Variants in DENND5A observed in about 807,000 individuals in gnomAD.
DENND5A encodes DENN domain-containing protein 5A.
Under a neutral mutation model 140.3 loss-of-function variants are expected in DENND5A, and 64 were observed. The observed-to-expected ratio is 0.46, with a 90% CI of 0.37 to 0.56. The LOEUF (loss-of-function observed/expected upper bound fraction) is 0.56, where lower values mean the gene tolerates loss of function less well. Among genes scored for constraint, DENND5A ranks in the 20% least tolerant of loss-of-function variants. The pLI is 0.00. For missense variants in DENND5A, 1,292 were observed against 1,593.8 expected (o/e 0.81, Z 3.22); for synonymous variants, 605 against 607.7 (o/e 1.00, Z 0.07).
At chr11:9,233,729 C>T (rs1485324842) in intron 1 of DENND5A, among the ~76,000 whole-genome samples, 1 of 152,108 alleles carries the variant, frequency 6.6e-6, no homozygotes, top group Non-Finnish European at 1.5e-5. Flanking sequence ...CAACAGTCAC[C>T]AGAAGCTCAA....
chr11:9,152,457 A>G lies in DENND5A; in HGVS notation c.2437-15T>C. ...GCTGATTTCCCCTGGAACCAATGCA[A>G]GGGAGAAACACCTATCAGTTTAGAT... On this transcript the variant is annotated splice_polypyrimidine_tract_variant and intron_variant, in intron 12 of 22. Coordinates refer to ENST00000328194, the MANE Select transcript of DENND5A (RefSeq NM_015213.4). 1 of 1,562,966 alleles carries G rather than the reference A, an allele frequency of 6.4e-7. No homozygotes were observed. The highest frequency in any genetic ancestry group is 1.1e-5 in the South Asian group (1 of 90,056).
At chr11:9,261,459 G>A (rs1378785592) in intron 1 of DENND5A, among the ~76,000 whole-genome samples, 2 of 152,096 alleles carry the variant, frequency 1.3e-5, no homozygotes, top group Non-Finnish European at 2.9e-5. Flanking sequence ...GGAAGAACCT[G>A]CTATTTGTAC....
chr11:9,173,177 A>T (rs1055600350), intron 8 of DENND5A, among the ~76,000 whole-genome samples: 1 of 152,104 alleles, frequency 6.6e-6, no homozygotes, highest in African/African-American at 2.4e-5. Context: ...ACCTATACTC[A>T]GGGAAAATAC....
chr11:9,215,144 T>C (rs1850039613), intron 1 of DENND5A, among the ~76,000 whole-genome samples: 1 of 152,224 alleles, frequency 6.6e-6, no homozygotes, highest in African/African-American at 2.4e-5. Context: ...GCAGATTTGT[T>C]CACTCTCTTT....
intron 1 of DENND5A, among the ~76,000 whole-genome samples, chr11:9,255,592 G>C (rs1409136364): frequency 6.6e-6 from 1 of 151,984 alleles, no homozygotes; most frequent in Non-Finnish European, 1.5e-5. Context: ...ATTGACTGGC[G>C]CAGTGGCTCT....
chr11:9,142,899 C>A, intron 20 of DENND5A, 54 bp from the exon 21 acceptor site: 2 of 1,602,240 alleles, frequency 1.2e-6, no homozygotes, highest in Non-Finnish European at 1.7e-6. Context: ...AGCTGCCCTC[C>A]CACCATTGCA....
chr11:9,253,720 T>G (rs532291113), intron 1 of DENND5A, among the ~76,000 whole-genome samples: 2 of 151,578 alleles, frequency 1.3e-5, no homozygotes, highest in Non-Finnish European at 2.9e-5. Flanking sequence ...CTGGGCCCAT[T>G]AGCAGGTATA....
chr11:9,173,975 C>T (rs973227688), intron 8 of DENND5A, among the ~76,000 whole-genome samples: 13 of 151,456 alleles, frequency 8.6e-5, no homozygotes, highest in Non-Finnish European at 1.5e-5. Flanking sequence ...CAGTGGCGAG[C>T]GCCTGTAGTC....
At position 9,143,425 on chromosome 11, in the gene DENND5A, T is replaced by G; in HGVS notation, c.3365A>C (p.His1122Pro). Reference sequence around the variant, plus strand: ...CACCTCTTTCTCAGGCTTATGGAAGTGCTTCACAATGCCATTGACTGCCTC... The same window carrying G: ...CACCTCTTTCTCAGGCTTATGGAAGGGCTTCACAATGCCATTGACTGCCTC... ...IGEAVNGIVK[H>P]FHKPEKERGS... is the part of the protein sequence containing the mutation. Residue 1122 changes from histidine to proline, a missense_variant, in exon 20 of 23, where the codon CAC (histidine) becomes CCC (proline). Coordinates refer to ENST00000328194, the MANE Select transcript of DENND5A (RefSeq NM_015213.4). The G allele has an allele frequency of 1.2e-6, 2 of 1,614,216 alleles. No homozygotes were observed. Among genetic ancestry groups the G allele is most frequent in the Non-Finnish European group, 1.7e-6 (2 of 1,180,000 alleles).
rs1590218334 is a variant in DENND5A at position 9,160,631 on chromosome 11, T to C, written c.2436+82A>G. On this transcript the variant is annotated intron_variant, in intron 12 of 22. Coordinates refer to ENST00000328194, the MANE Select transcript of DENND5A (RefSeq NM_015213.4). ...GCACCATTCTTCAAAGCCAGTCAGC[T>C]GGACAAAAAGAGTGTGGGAAAGCTA... is the stretch of plus-strand genomic sequence containing the variant. 3 of 1,345,984 alleles carry C rather than the reference T, an allele frequency of 2.2e-6. No individual in the cohort carries two copies. In the East Asian group the frequency reaches 7.0e-5, roughly 31 times the overall value. The allele number at this position is 1,345,984 out of a possible 1,614,324, so 83.4% of individuals were successfully genotyped here.
intron 1 of DENND5A, among the ~76,000 whole-genome samples, chr11:9,240,314 G>A (rs527259025): frequency 1.3e-5 from 2 of 152,284 alleles, no homozygotes; most frequent in African/African-American, 4.8e-5. Context: ...AGAATCGCTT[G>A]AACCCGGGAG....
chr11:9,144,746 G>A (rs948259771), intron 18 of DENND5A, among the ~76,000 whole-genome samples: 25 of 149,998 alleles, frequency 1.7e-4, no homozygotes, highest in African/African-American at 4.4e-4. Flanking sequence ...CCAAGATCAC[G>A]CCACTGCACT....
chr11:9,220,423 C>T (rs1405045768), intron 1 of DENND5A, among the ~76,000 whole-genome samples: 8 of 151,804 alleles, frequency 5.3e-5, no homozygotes, highest in African/African-American at 1.9e-4. Flanking sequence ...GGCACATGCC[C>T]GTAATCCCAG....
intron 2 of DENND5A, 24 bp from the exon 3 acceptor site, chr11:9,206,806 A>G (rs1282056176): frequency 3.3e-6 from 5 of 1,510,516 alleles, no homozygotes; most frequent in Non-Finnish European, 4.6e-6. Flanking sequence ...AATGAAGTAA[A>G]TCATTTCTAC....
rs71062817 is a variant in DENND5A, at chr11:9,230,230, CTTTTTTTTTTTTT to C, written c.110-22611_110-22599del. On this transcript the variant is annotated intron_variant, in intron 1 of 22. Transcript: ENST00000328194. Reference sequence around the variant, plus strand: ...GGCCCCATTTCATGTAAAACTAATGCTTTTTTTTTTTTTTTTTTTTTTTTTTTTTGAGACAAGT... The same window carrying C: ...GGCCCCATTTCATGTAAAACTAATGCTTTTTTTTTTTTTTTTGAGACAAGT... Among the ~76,000 whole-genome samples the C allele has an allele frequency of 1.5e-4, 8 of 52,092 alleles. No individual in the cohort carries two copies. In the South Asian group the frequency reaches 5.4e-3, roughly 35 times the overall value. 34.2% of individuals were successfully genotyped at this position (52,092 alleles called of 152,430 possible). A position where few individuals can be genotyped will look rare whatever the true frequency, so the allele number is the denominator to read the frequency against.
intron 1 of DENND5A, among the ~76,000 whole-genome samples, chr11:9,211,799 G>A (rs1285143502): frequency 1.3e-5 from 2 of 152,052 alleles, no homozygotes; most frequent in African/African-American, 4.8e-5. Context: ...GGGTGTGGTG[G>A]CGTGTGCCTG....
intron 1 of DENND5A, among the ~76,000 whole-genome samples, chr11:9,255,418 G>A (rs1036283260): frequency 3.3e-5 from 5 of 151,956 alleles, no homozygotes; most frequent in East Asian, 3.9e-4. Flanking sequence ...GTGAGACCTC[G>A]TCTCTACAAA....
intron 16 of DENND5A, 111 bp downstream of exon 16, chr11:9,146,919 G>A: frequency 7.7e-7 from 1 of 1,296,962 alleles, no homozygotes; most frequent in Non-Finnish European, 1.1e-6. Flanking sequence ...AAGACAAATA[G>A]AAAGTACAAG....
intron 10 of DENND5A, 112 bp downstream of exon 10, chr11:9,169,744 G>T: frequency 1.4e-6 from 1 of 698,586 alleles, no homozygotes. Context: ...TTCTTTATGG[G>T]GTGAGGTCAT....
Sources: allele counts gnomAD v4.1 joint callset (sites outside exome capture counted in the v4.1 genomes callset), GRCh38; gene constraint gnomAD v4.1.1; transcripts MANE v1.5; gene names NCBI Gene and HGNC (gene_info 2026-07-23, HGNC 2026-07-21).